The following CNTNAP2 variants were observed in gnomAD, a reference collection of about 807,000 sequenced individuals.
The protein encoded by CNTNAP2 is contactin-associated protein-like 2.
CNTNAP2 carries 98 observed loss-of-function variants against 155.2 expected under a neutral mutation model. The ratio of observed to expected loss-of-function variants is 0.63; its 90% CI spans 0.54 to 0.75. CNTNAP2 has a LOEUF of 0.75. Ranked by LOEUF, CNTNAP2 falls within the 30% of genes least tolerant of loss-of-function variation. The pLI is 0.00. For missense variants in CNTNAP2, 1,727 were observed against 1,688.1 expected, an observed-to-expected ratio of 1.02 and a Z score of -0.40; for synonymous variants, 651 against 631.2, an observed-to-expected ratio of 1.03 and a Z score of -0.47.
chr7:146,807,930 A>G (rs1054875098), intron 2 of CNTNAP2, among the ~76,000 whole-genome samples: 2 of 152,090 alleles, frequency 1.3e-5, no homozygotes, highest in African/African-American at 4.8e-5. Flanking sequence ...GGCATAGTAC[A>G]TTTGCTAGTG....
rs563867848 is a variant in CNTNAP2, at chr7:146,507,560, T to C, written c.98-266711T>C. ...ATCCCAAGAGGCTCACAAAAGTCTC[T>C]AGTTGCCTCATTATTGTGGTCTGGG... On this transcript the variant is annotated intron_variant, in intron 1 of 23. Transcript: ENST00000361727. Among the ~76,000 whole-genome samples the C allele has an allele frequency of 6.6e-5, 10 of 152,324 alleles. No homozygotes were observed. The East Asian group carries it at 1.5e-3, about 23-fold the overall frequency.
chr7:146,321,895 T>A (rs1801009272), intron 1 of CNTNAP2, among the ~76,000 whole-genome samples: 1 of 152,198 alleles, frequency 6.6e-6, no homozygotes. Context: ...TTTCTTTTTT[T>A]CACAGCAATT....
chr7:148,363,650 G>A lies in CNTNAP2; in HGVS notation c.3476-19999G>A, dbSNP rs187936925. 1.9e-4 allele frequency among the ~76,000 whole-genome samples: 29 copies of A among 152,266 alleles called. No homozygotes were observed. The East Asian group carries it at 4.5e-3, about 23-fold the overall frequency. ...TGGGTTCCTTTTGAGAGGTGACAGC[G>A]TGCTGGCAGTCCTCAGAGCCCTCGC... On this transcript the variant is annotated intron_variant, in intron 21 of 23. Coordinates refer to ENST00000361727, the MANE Select transcript of CNTNAP2 (RefSeq NM_014141.6).
chr7:146,665,088 A>G (rs921551352), intron 1 of CNTNAP2, among the ~76,000 whole-genome samples: 5 of 152,110 alleles, frequency 3.3e-5, no homozygotes, highest in Middle Eastern at 3.2e-3. Flanking sequence ...AGCTGGGATT[A>G]CAGGCACCCA....
At chr7:148,262,054 T>C (rs1424819861) in intron 20 of CNTNAP2, among the ~76,000 whole-genome samples, 2 of 152,176 alleles carry the variant, frequency 1.3e-5, no homozygotes, top group African/African-American at 4.8e-5. Flanking sequence ...TGATTGATAA[T>C]TGACGCAAAG....
chr7:146,473,521 T>C (rs1448717544), intron 1 of CNTNAP2, among the ~76,000 whole-genome samples: 1 of 152,272 alleles, frequency 6.6e-6, no homozygotes, highest in East Asian at 1.9e-4. Context: ...TGAGTTGAAT[T>C]TGATCTAAAC....
At chr7:147,348,308 C>T (rs1001313051) in intron 9 of CNTNAP2, among the ~76,000 whole-genome samples, 2 of 150,254 alleles carry the variant, frequency 1.3e-5, no homozygotes, top group Non-Finnish European at 3.0e-5. Flanking sequence ...ATCTCAACAA[C>T]AAAAATATAT....
At chr7:147,781,977 A>G (rs1797668169) in intron 13 of CNTNAP2, among the ~76,000 whole-genome samples, 1 of 151,540 alleles carries the variant, frequency 6.6e-6, no homozygotes, top group African/African-American at 2.4e-5. Context: ...GAGCGGAGAC[A>G]GCGCCACTGC....
chr7:146,300,804 G>A (rs1424194801), intron 1 of CNTNAP2, among the ~76,000 whole-genome samples: 1 of 151,938 alleles, frequency 6.6e-6, no homozygotes, highest in Admixed American at 6.6e-5. Context: ...TATGTCATTG[G>A]GATTCTACAA....
At chr7:147,878,584 T>G (rs1341279729) in intron 13 of CNTNAP2, among the ~76,000 whole-genome samples, 3 of 152,186 alleles carry the variant, frequency 2.0e-5, no homozygotes, top group Non-Finnish European at 4.4e-5. Flanking sequence ...TTTTATAGAT[T>G]TAGGAAATAA....
chr7:146,777,900 G>T, intron 2 of CNTNAP2, among the ~76,000 whole-genome samples: 1 of 129,536 alleles, frequency 7.7e-6, no homozygotes, highest in East Asian at 2.4e-4. Context: ...TGAGAGAAAA[G>T]AGATTTTTTT....
At chr7:148,208,704 T>A (rs186348877) in intron 18 of CNTNAP2, among the ~76,000 whole-genome samples, 1 of 152,224 alleles carries the variant, frequency 6.6e-6, no homozygotes, top group Non-Finnish European at 1.5e-5. Flanking sequence ...AATCAATGAT[T>A]AGGAAGTGAA....
intron 22 of CNTNAP2, among the ~76,000 whole-genome samples, chr7:148,400,449 C>T (rs1374896497): frequency 4.6e-5 from 7 of 152,066 alleles, no homozygotes; most frequent in Non-Finnish European, 1.0e-4. Flanking sequence ...GAAAAGAAGC[C>T]GCGACAAACC....
chr7:147,723,678 C>T (rs1301008079), intron 13 of CNTNAP2, among the ~76,000 whole-genome samples: 1 of 151,904 alleles, frequency 6.6e-6, no homozygotes, highest in Non-Finnish European at 1.5e-5. Flanking sequence ...ATATTGCCAG[C>T]TTTTCATATC....
chr7:146,557,471 T>C (rs1038597396), intron 1 of CNTNAP2, among the ~76,000 whole-genome samples: 7 of 152,088 alleles, frequency 4.6e-5, no homozygotes, highest in Admixed American at 3.9e-4. Flanking sequence ...TTCTATTGTC[T>C]ATTAGAGTAT....
At chr7:147,520,655 A>T (rs890428337) in intron 11 of CNTNAP2, among the ~76,000 whole-genome samples, 1 of 152,208 alleles carries the variant, frequency 6.6e-6, no homozygotes, top group South Asian at 2.1e-4. Context: ...AGAGAAGATG[A>T]CATAGGCCTA....
In CNTNAP2 at chr7:147,550,004, A is replaced by G. The variant is rs751988111; in HGVS notation, c.1778-12134A>G. 2.0e-5 allele frequency among the ~76,000 whole-genome samples: 3 copies of G among 152,204 alleles called. No individual in the cohort carries two copies. In the East Asian group the frequency reaches 5.8e-4, roughly 29 times the overall value. On this transcript the variant is annotated intron_variant, in intron 11 of 23. Transcript: ENST00000361727. Reference sequence around the variant, plus strand: ...TATGGAAATTTTCTCTGAGGGGGGAATATCACAATTTTCATAGAAGGATTT... The same window carrying G: ...TATGGAAATTTTCTCTGAGGGGGGAGTATCACAATTTTCATAGAAGGATTT...
intron 1 of CNTNAP2, among the ~76,000 whole-genome samples, chr7:146,727,190 G>T (rs1033458219): frequency 6.6e-6 from 1 of 151,954 alleles, no homozygotes; most frequent in Non-Finnish European, 1.5e-5. Flanking sequence ...CCATGATACC[G>T]CTATTGTCCA....
chr7:148,024,585 T>A (rs766874484), intron 15 of CNTNAP2, among the ~76,000 whole-genome samples: 52 of 152,306 alleles, frequency 3.4e-4, no homozygotes, highest in Admixed American at 2.7e-3. Flanking sequence ...GGACCCAACT[T>A]TTACACTCAC....
Sources: allele counts gnomAD v4.1 joint callset (sites outside exome capture counted in the v4.1 genomes callset), GRCh38; gene constraint gnomAD v4.1.1; transcripts MANE v1.5; gene names NCBI Gene and HGNC (gene_info 2026-07-23, HGNC 2026-07-21).